Variants in NXN observed in about 807,000 individuals in gnomAD.
NXN encodes the protein nucleoredoxin 1.
A neutral mutation model predicts 48.6 loss-of-function variants in NXN; 16 were observed. The ratio of observed to expected loss-of-function variants is 0.33; its 90% CI spans 0.22 to 0.50. NXN has a LOEUF of 0.50. Ranked by LOEUF, NXN falls within the 20% of genes least tolerant of loss-of-function variation. The pLI is 0.98. For synonymous variants in NXN, 281 were observed against 269.6 expected, an observed-to-expected ratio of 1.04 and a Z score of -0.41; for missense variants, 492 against 605.5, an observed-to-expected ratio of 0.81 and a Z score of 1.97.
rs55976596 is a variant in NXN at position 892,130 on chromosome 17, G to A, written c.361-66052C>T. On this transcript the variant is annotated intron_variant, in intron 1 of 7. Transcript: ENST00000336868. ...ATGCACAACCCAACAGGGAACCTAA[G>A]CTAACCCCACCATGCACAACCCAAC... Among the ~76,000 whole-genome samples the A allele has an allele frequency of 4.4e-3, 391 of 89,700 alleles. 2 individuals are homozygous for A. The highest frequency in any genetic ancestry group is 8.9e-3 in the African/African-American group (194 of 21,800). The allele number at this position is 89,700 out of a possible 152,430, so 58.8% of individuals were successfully genotyped here. A position where few individuals can be genotyped will look rare whatever the true frequency, so the allele number is the denominator to read the frequency against.
intron 1 of NXN, among the ~76,000 whole-genome samples, chr17:899,434 G>A (rs187403573): frequency 3.3e-5 from 5 of 152,132 alleles, no homozygotes; most frequent in East Asian, 1.9e-4. Flanking sequence ...TCATATTCTC[G>A]TGAGGGAGGA....
At chr17:823,826 G>A in intron 2 of NXN, 61 bp from the exon 3 acceptor site, 7 of 1,592,402 alleles carry the variant, frequency 4.4e-6, no homozygotes, top group Non-Finnish European at 6.0e-6. Context: ...CTGGGACCCA[G>A]GAGACTTCAG....
At position 966,536 on chromosome 17, in the gene NXN, G is replaced by A. The variant is rs902854726; in HGVS notation, c.360+12783C>T. Among the ~76,000 whole-genome samples, 7 of 151,980 alleles carry A rather than the reference G, an allele frequency of 4.6e-5. No homozygotes were observed. The East Asian group carries it at 7.8e-4, about 17-fold the overall frequency. ...CTAATTTTGTATTTTTAGTAGAGAC[G>A]GGGTTTCTCCATGTTGGTCAGGCTG... is the stretch of plus-strand genomic sequence containing the variant. On this transcript the variant is annotated intron_variant, in intron 1 of 7. Transcript: ENST00000336868.
chr17:903,891 C>T (rs534042825), intron 1 of NXN, among the ~76,000 whole-genome samples: 36 of 152,186 alleles, frequency 2.4e-4, no homozygotes, highest in Admixed American at 4.6e-4. Context: ...CGGCCCCCTC[C>T]GAAGCCAACC....
chr17:941,075 G>A lies in NXN; in HGVS notation c.360+38244C>T, dbSNP rs1305186449. 2.8e-5 allele frequency among the ~76,000 whole-genome samples: 4 copies of A among 143,066 alleles called. No homozygotes were observed. In the East Asian group the frequency reaches 8.5e-4, roughly 30 times the overall value. 93.9% of individuals were successfully genotyped at this position (143,066 alleles called of 152,430 possible). On this transcript the variant is annotated intron_variant, in intron 1 of 7. Transcript: ENST00000336868. ...CACCAAACACCTCCCTGGATTTCCAGCGAACAAGATTCCAGGGTGCAGCCA... is the reference window on the plus strand; with the variant it reads ...CACCAAACACCTCCCTGGATTTCCAACGAACAAGATTCCAGGGTGCAGCCA...
At chr17:863,420 GCCT>G (rs1306508633) in intron 1 of NXN, among the ~76,000 whole-genome samples, 1 of 152,134 alleles carries the variant, frequency 6.6e-6, no homozygotes, top group Non-Finnish European at 1.5e-5. Context: ...GCCCGCCTCA[GCCT>G]CCCGAAGTGC....
intron 1 of NXN, among the ~76,000 whole-genome samples, chr17:827,978 C>A (rs1319641336): frequency 6.6e-6 from 1 of 152,228 alleles, no homozygotes; most frequent in East Asian, 1.9e-4. Flanking sequence ...GGCTGTGGGA[C>A]CCCACTTCAA....
At chr17:818,314 GT>G (rs1369009881) in intron 5 of NXN, among the ~76,000 whole-genome samples, 1 of 151,962 alleles carries the variant, frequency 6.6e-6, no homozygotes, top group Admixed American at 6.6e-5. Context: ...CTAAGTCCTA[GT>G]TTACAACACT....
intron 5 of NXN, among the ~76,000 whole-genome samples, chr17:812,898 G>C (rs933382077): frequency 2.1e-5 from 3 of 141,038 alleles, no homozygotes; most frequent in African/African-American, 8.8e-5. Flanking sequence ...GAATGTAGGT[G>C]TGTGCATGTG....
Position 912,724 on chromosome 17 carries a change from G to A in NXN, c.360+66595C>T, listed in dbSNP as rs139752345. Among the ~76,000 whole-genome samples the A allele has an allele frequency of 5.3e-5, 8 of 152,170 alleles. No individual in the cohort carries two copies. The East Asian group carries it at 5.8e-4, about 11-fold the overall frequency. ...AAGATTACATTTGGGAGGCCGATGC[G>A]GGCGGATCACCTGAGGTCAGGAGTT... is the stretch of plus-strand genomic sequence containing the variant. On this transcript the variant is annotated intron_variant, in intron 1 of 7. Coordinates refer to ENST00000336868, the MANE Select transcript of NXN (RefSeq NM_022463.5).
intron 1 of NXN, among the ~76,000 whole-genome samples, chr17:869,191 AG>A (rs1179051867): frequency 6.6e-6 from 1 of 152,102 alleles, no homozygotes; most frequent in Non-Finnish European, 1.5e-5. Flanking sequence ...TTAACTTCCC[AG>A]CACAGATCTG....
At chr17:819,381 T>G in intron 5 of NXN, 58 bp downstream of exon 5, 6 of 1,182,588 alleles carry the variant, frequency 5.1e-6, no homozygotes, top group Non-Finnish European at 6.4e-6. Flanking sequence ...AAAGACACGG[T>G]GAGCTCAGGT....
chr17:843,056 GAA>G (rs1914468209), intron 1 of NXN, among the ~76,000 whole-genome samples: 3 of 107,220 alleles, frequency 2.8e-5, no homozygotes, highest in African/African-American at 1.2e-4. Context: ...AAGAAAGAAA[GAA>G]GGAAGAAAGC....
At chr17:804,724 C>T (rs889181051) in intron 6 of NXN, among the ~76,000 whole-genome samples, 1 of 152,238 alleles carries the variant, frequency 6.6e-6, no homozygotes, top group Non-Finnish European at 1.5e-5. Flanking sequence ...CTTGGTGAGC[C>T]TCGGCCAGAG....
intron 1 of NXN, among the ~76,000 whole-genome samples, chr17:948,503 G>A (rs907483384): frequency 3.9e-5 from 6 of 152,078 alleles, no homozygotes; most frequent in Admixed American, 6.5e-5. Flanking sequence ...CTGCCCACAG[G>A]CACTGAGGGA....
intron 5 of NXN, among the ~76,000 whole-genome samples, chr17:813,856 C>G (rs1028699121): frequency 3.9e-5 from 6 of 151,986 alleles, no homozygotes; most frequent in Admixed American, 1.3e-4. Context: ...ATCCCAGCTA[C>G]TCAGGAGGCT....
intron 1 of NXN, among the ~76,000 whole-genome samples, chr17:851,979 G>C (rs933203071): frequency 6.6e-6 from 1 of 152,130 alleles, no homozygotes; most frequent in Non-Finnish European, 1.5e-5. Context: ...TTGAAATGGA[G>C]AGTGGAAAAA....
intron 1 of NXN, among the ~76,000 whole-genome samples, chr17:889,406 A>G (rs2068384867): frequency 6.6e-6 from 1 of 152,234 alleles, no homozygotes; most frequent in South Asian, 2.1e-4. Context: ...TGAGAAATGC[A>G]GAGAGATTGG....
intron 1 of NXN, among the ~76,000 whole-genome samples, chr17:883,128 T>C (rs1444021771): frequency 1.3e-5 from 2 of 152,262 alleles, no homozygotes; most frequent in Non-Finnish European, 2.9e-5. Flanking sequence ...AGGCTACACC[T>C]GGCCAACTTC....
Sources: allele counts gnomAD v4.1 joint callset (sites outside exome capture counted in the v4.1 genomes callset), GRCh38; gene constraint gnomAD v4.1.1; transcripts MANE v1.5; gene names NCBI Gene and HGNC (gene_info 2026-07-23, HGNC 2026-07-21).